The following ME3 variants were observed in gnomAD, a reference collection of about 807,000 sequenced individuals.
ME3 encodes NADP-dependent malic enzyme, mitochondrial.
ME3 carries 48 observed loss-of-function variants against 68.9 expected under a neutral mutation model. That is an observed-to-expected ratio of 0.70 (90% CI 0.55 to 0.89). The LOEUF is 0.89. Ranked by LOEUF, ME3 falls within the 40% of genes least tolerant of loss-of-function variation. ME3 has a pLI of 0.00. For synonymous variants in ME3, 320 were observed against 318.8 expected, an observed-to-expected ratio of 1.00 and a Z score of -0.04; for missense variants, 675 against 797.4, an observed-to-expected ratio of 0.85 and a Z score of 1.85.
rs1197472220 is a variant in ME3, at chr11:86,657,978, A to C, written c.183+13784T>G. 5.9e-5 allele frequency among the ~76,000 whole-genome samples: 9 copies of C among 152,314 alleles called. No homozygotes were observed. In the East Asian group the frequency reaches 1.7e-3, roughly 29 times the overall value. The stretch of plus-strand genomic sequence containing the variant: ...AGGACAGGAAGCAGGATAATGTAAG[A>C]TGAATAGCTCTTCTTAGGTTGGCAA... On this transcript the variant is annotated intron_variant, in intron 2 of 14. Coordinates refer to ENST00000543262, the Ensembl canonical transcript of ME3.
chr11:86,525,338 G>T (rs1331215561), intron 4 of ME3, among the ~76,000 whole-genome samples: 1 of 151,948 alleles, frequency 6.6e-6, no homozygotes, highest in Non-Finnish European at 1.5e-5. Context: ...TTTTGATGTT[G>T]ACAGAAAACA....
At chr11:86,630,125 G>A (rs978077603) in intron 2 of ME3, among the ~76,000 whole-genome samples, 1 of 152,000 alleles carries the variant, frequency 6.6e-6, no homozygotes, top group Non-Finnish European at 1.5e-5. Context: ...TTGTTGTTTT[G>A]ATCTATTTTA....
chr11:86,640,341 A>C (rs1005315208), intron 2 of ME3, among the ~76,000 whole-genome samples: 5 of 152,230 alleles, frequency 3.3e-5, no homozygotes, highest in Admixed American at 6.5e-5. Context: ...TTCCAAGGCT[A>C]GGCAGCCTCT....
In ME3 at chr11:86,525,791, G is replaced by C. The variant is rs537303994; in HGVS notation, c.468-16924C>G. On this transcript the variant is annotated intron_variant, in intron 4 of 14. Coordinates refer to ENST00000543262, the Ensembl canonical transcript of ME3. ...GTAAGAGAATTGCTTGAACCCAGGA[G>C]GCAGAGGTTGCAGTGAGGTGAGATC... Among the ~76,000 whole-genome samples the C allele has an allele frequency of 1.3e-4, 20 of 151,386 alleles. 1 individual carries two copies. Among genetic ancestry groups the C allele is most frequent in the African/African-American group, 3.7e-4 (15 of 41,052 alleles).
chr11:86,526,755 A>T (rs1954785266), intron 4 of ME3, among the ~76,000 whole-genome samples: 1 of 152,254 alleles, frequency 6.6e-6, no homozygotes, highest in African/African-American at 2.4e-5. Context: ...CCAGGCGAAC[A>T]GGGTCTGGAG....
intron 4 of ME3, among the ~76,000 whole-genome samples, chr11:86,554,256 T>G (rs985829652): frequency 4.6e-5 from 7 of 152,182 alleles, no homozygotes; most frequent in Non-Finnish European, 8.8e-5. Flanking sequence ...CCACACATCC[T>G]GGCAATAGGG....
chr11:86,448,974 G>A (rs2138617292), intron 10 of ME3, among the ~76,000 whole-genome samples: 1 of 152,302 alleles, frequency 6.6e-6, no homozygotes, highest in Admixed American at 6.5e-5. Flanking sequence ...GGCTGTCTCT[G>A]GCAGCTTACA....
At chr11:86,587,858 C>A (rs563529590) in intron 2 of ME3, among the ~76,000 whole-genome samples, 5 of 152,236 alleles carry the variant, frequency 3.3e-5, no homozygotes, top group African/African-American at 1.2e-4. Context: ...TGTTCCACTG[C>A]CAAAAATGAG....
intron 4 of ME3, among the ~76,000 whole-genome samples, chr11:86,543,583 T>C (rs772501334): frequency 6.6e-6 from 1 of 152,110 alleles, no homozygotes; most frequent in Admixed American, 6.6e-5. Context: ...GTAAAGGGAA[T>C]TGAGGCAACA....
In ME3 at chr11:86,521,433, A is replaced by G. The variant is rs1463558046; in HGVS notation, c.468-12566T>C. Among the ~76,000 whole-genome samples the G allele has an allele frequency of 3.6e-5, 5 of 138,904 alleles. No homozygotes were observed. In the East Asian group the frequency reaches 9.8e-4, roughly 27 times the overall value. 91.1% of individuals were successfully genotyped at this position (138,904 alleles called of 152,430 possible). ...CAAAACAAAACAAAACAAAACAAAA[A>G]TAATAATAATAATAATAATAAAAAA... On this transcript the variant is annotated intron_variant, in intron 4 of 14. Coordinates refer to ENST00000543262, the Ensembl canonical transcript of ME3.
rs556855038 is a variant in ME3 at position 86,654,330 on chromosome 11, C to T, written c.183+17432G>A. Among the ~76,000 whole-genome samples, 225 of 152,270 alleles carry T rather than the reference C, an allele frequency of 1.5e-3. 1 individual carries two copies. The highest frequency in any genetic ancestry group is 5.2e-3 in the African/African-American group (218 of 41,560). ...TTAGACCAATATCTTTGATGAACAT[C>T]GATGCAAAAATCCTCAATAAAATAC... On this transcript the variant is annotated intron_variant, in intron 2 of 14. Transcript: ENST00000543262.
chr11:86,653,072 C>G (rs530738547), intron 2 of ME3, among the ~76,000 whole-genome samples: 1 of 152,128 alleles, frequency 6.6e-6, no homozygotes, highest in African/African-American at 2.4e-5. Flanking sequence ...GCACCCAATA[C>G]AGGAGCACCC....
At chr11:86,450,423 A>C (rs753983710) in intron 8 of ME3, 25 bp from the exon 9 acceptor site, 2 of 1,597,806 alleles carry the variant, frequency 1.3e-6, no homozygotes, top group African/African-American at 2.7e-5. Flanking sequence ...CCTGAGATCA[A>C]CCTCTGGCCA....
At chr11:86,531,559 T>C (rs1322452607) in intron 4 of ME3, among the ~76,000 whole-genome samples, 1 of 152,214 alleles carries the variant, frequency 6.6e-6, no homozygotes, top group Non-Finnish European at 1.5e-5. Flanking sequence ...CGCATGTTTA[T>C]TGTGGCACTA....
At chr11:86,670,697 A>G (rs1946872261) in intron 2 of ME3, among the ~76,000 whole-genome samples, 1 of 152,212 alleles carries the variant, frequency 6.6e-6, no homozygotes, top group African/African-American at 2.4e-5. Flanking sequence ...CTACTTCTCA[A>G]AAACATCTTT....
chr11:86,597,948 G>A (rs1169749628), intron 2 of ME3, among the ~76,000 whole-genome samples: 1 of 152,062 alleles, frequency 6.6e-6, no homozygotes, highest in East Asian at 2.0e-4. Flanking sequence ...TTGGTTGAAA[G>A]AGTTATCAGT....
At chr11:86,636,346 G>A (rs1944334929) in intron 2 of ME3, among the ~76,000 whole-genome samples, 1 of 151,414 alleles carries the variant, frequency 6.6e-6, no homozygotes, top group South Asian at 2.1e-4. Flanking sequence ...TCTTTAAAAT[G>A]AGATAATGTC....
At chr11:86,475,336 C>T (rs184610702) in intron 7 of ME3, among the ~76,000 whole-genome samples, 189 of 152,318 alleles carry the variant, frequency 1.2e-3, no homozygotes, top group Non-Finnish European at 2.1e-3. Context: ...CCTTCTCCCG[C>T]TTTGCCTTCT....
At chr11:86,566,483 G>A (rs959606133) in intron 2 of ME3, among the ~76,000 whole-genome samples, 1 of 152,114 alleles carries the variant, frequency 6.6e-6, no homozygotes, top group African/African-American at 2.4e-5. Context: ...CTTTGATAGG[G>A]AATTACTAAC....
Sources: gnomAD v4.1 joint callset for allele counts (sites outside exome capture counted in the v4.1 genomes callset) on GRCh38, gnomAD v4.1.1 for gene constraint, MANE v1.5 for transcripts, NCBI Gene and HGNC (gene_info 2026-07-23, HGNC 2026-07-21) for gene names.